The following PARM1 variants were observed in gnomAD, a reference collection of about 807,000 sequenced individuals.
PARM1 encodes prostate androgen-regulated mucin-like protein 1, also known as WSC4, cell wall integrity and stress response component 4 homolog.
A neutral mutation model predicts 24.6 loss-of-function variants in PARM1; 14 were observed. The observed-to-expected ratio is 0.57, with a 90% CI of 0.38 to 0.89. PARM1 has a LOEUF of 0.89. PARM1 is among the 40% of genes least tolerant of loss of function. The probability of loss-of-function intolerance (pLI) is 0.00; values close to 1 mark genes in which losing one functional copy is unlikely to be tolerated. For missense variants in PARM1, 362 were observed against 380.4 expected (o/e 0.95, Z 0.40); for synonymous variants, 179 against 156.6 (o/e 1.14, Z -1.07).
At chr4:75,013,758 A>G (rs1398142378) in intron 2 of PARM1, among the ~76,000 whole-genome samples, 1 of 152,256 alleles carries the variant, frequency 6.6e-6, no homozygotes, top group Non-Finnish European at 1.5e-5. Context: ...ATTTCAAGGG[A>G]AAGACAATAA....
rs58291443 is a variant in PARM1 at position 74,973,905 on chromosome 4, AAGAG to A, written c.44-38512_44-38509del. ...GGGTGTAGAGAGAGAGAGAGAAAGA[AAGAG>A]AGAGAGATTTATTGTAAAGAATTGG... is the stretch of plus-strand genomic sequence containing the variant. On this transcript the variant is annotated intron_variant, in intron 1 of 3. Coordinates refer to ENST00000307428, the MANE Select transcript of PARM1 (RefSeq NM_015393.4). 2.9e-4 allele frequency among the ~76,000 whole-genome samples: 41 copies of A among 143,828 alleles called. No homozygotes were observed. The East Asian group carries it at 7.9e-3, about 28-fold the overall frequency. The allele number at this position is 143,828 out of a possible 152,430, so 94.4% of individuals were successfully genotyped here. A position where few individuals can be genotyped will look rare whatever the true frequency, so the allele number is the denominator to read the frequency against.
At chr4:74,966,063 A>C (rs1721894601) in intron 1 of PARM1, among the ~76,000 whole-genome samples, 1 of 152,198 alleles carries the variant, frequency 6.6e-6, no homozygotes, top group Non-Finnish European at 1.5e-5. Context: ...ACTTTTCTAT[A>C]AATCTAAATT....
intron 1 of PARM1, among the ~76,000 whole-genome samples, chr4:74,984,694 A>G (rs1229113918): frequency 6.6e-6 from 1 of 152,248 alleles, no homozygotes. Context: ...TCATTAACAT[A>G]GCGTAGACTG....
At chr4:75,042,957 AAAAC>A (rs1040051515) in intron 3 of PARM1, among the ~76,000 whole-genome samples, 3 of 152,068 alleles carry the variant, frequency 2.0e-5, no homozygotes, top group African/African-American at 4.8e-5. Flanking sequence ...GAAAAAAAAA[AAAAC>A]AAAGTAAAGG....
chr4:75,000,256 C>T (rs1374518752), intron 1 of PARM1, among the ~76,000 whole-genome samples: 1 of 152,188 alleles, frequency 6.6e-6, no homozygotes, highest in African/African-American at 2.4e-5. Context: ...ATTGATTGAG[C>T]TCTTTGTGTT....
chr4:74,942,566 G>A (rs942330331), intron 1 of PARM1, among the ~76,000 whole-genome samples: 10 of 152,228 alleles, frequency 6.6e-5, no homozygotes, highest in African/African-American at 2.2e-4. Context: ...TGCTCAGACT[G>A]CAAATCATGA....
rs762074393 is a variant in PARM1 at position 75,012,837 on chromosome 4, A to G, written c.456A>G (p.Gln152=). 92 of 1,613,764 alleles carry G rather than the reference A, an allele frequency of 5.7e-5. No individual in the cohort carries two copies. Among genetic ancestry groups the G allele is most frequent in the Admixed American group, 1.0e-4 (6 of 59,980 alleles). ...AAEPPTLISP[Q]APASSPSSLS... Reference sequence around the variant, plus strand: ...AGCCTCCCACACTCATCTCCCCTCAAGCTCCAGCCTCATCACCCTCATCCC... The same window carrying G: ...AGCCTCCCACACTCATCTCCCCTCAGGCTCCAGCCTCATCACCCTCATCCC... Residue 152 remains glutamine, a synonymous_variant, in exon 2 of 4, where the codon CAA becomes CAG. Transcript: ENST00000307428.
At chr4:74,993,415 G>A (rs1422473902) in intron 1 of PARM1, among the ~76,000 whole-genome samples, 1 of 152,096 alleles carries the variant, frequency 6.6e-6, no homozygotes. Flanking sequence ...GCAGCTTTGT[G>A]CAAGGCCCCA....
At chr4:75,046,067 C>A in intron 3 of PARM1, 96 bp from the exon 4 acceptor site, 1 of 755,068 alleles carries the variant, frequency 1.3e-6, no homozygotes, top group Non-Finnish European at 2.3e-6. Flanking sequence ...CTCTCCCTGG[C>A]CCCATAAGCA....
chr4:74,934,776 G>T (rs1019055305), intron 1 of PARM1, among the ~76,000 whole-genome samples: 1 of 152,140 alleles, frequency 6.6e-6, no homozygotes, highest in African/African-American at 2.4e-5. Context: ...TGACACGGAA[G>T]GTACCTTTAC....
intron 1 of PARM1, among the ~76,000 whole-genome samples, chr4:75,011,653 A>G (rs2109793744): frequency 6.6e-6 from 1 of 152,334 alleles, no homozygotes; most frequent in Admixed American, 6.5e-5. Context: ...AATGGAAACT[A>G]GCTGTAAATT....
chr4:74,947,027 G>A (rs1032085678), intron 1 of PARM1, among the ~76,000 whole-genome samples: 3 of 152,248 alleles, frequency 2.0e-5, no homozygotes, highest in East Asian at 1.9e-4. Flanking sequence ...AATGAAGAAG[G>A]CATGGAAAAA....
At chr4:74,989,113 C>T (rs1228559949) in intron 1 of PARM1, among the ~76,000 whole-genome samples, 3 of 152,126 alleles carry the variant, frequency 2.0e-5, no homozygotes, top group African/African-American at 7.2e-5. Context: ...CCTCCAGTCA[C>T]CAAAATGTGT....
intron 1 of PARM1, among the ~76,000 whole-genome samples, chr4:75,011,171 C>G (rs1382825159): frequency 6.6e-6 from 1 of 152,172 alleles, no homozygotes; most frequent in African/African-American, 2.4e-5. Flanking sequence ...GGCCCCACTT[C>G]CAACACTGGC....
intron 1 of PARM1, among the ~76,000 whole-genome samples, chr4:74,997,349 T>A (rs1473975715): frequency 6.6e-6 from 1 of 152,170 alleles, no homozygotes; most frequent in African/African-American, 2.4e-5. Context: ...CTCTGATGGA[T>A]CATTTAGAAG....
At chr4:74,974,193 A>G (rs1409182715) in intron 1 of PARM1, among the ~76,000 whole-genome samples, 2 of 152,338 alleles carry the variant, frequency 1.3e-5, no homozygotes, top group African/African-American at 2.4e-5. Context: ...TGATGCCCAC[A>G]TACTTTGAGG....
intron 1 of PARM1, among the ~76,000 whole-genome samples, chr4:74,943,184 A>G (rs1298344896): frequency 6.6e-6 from 1 of 152,194 alleles, no homozygotes; most frequent in Non-Finnish European, 1.5e-5. Flanking sequence ...AGTGCCTCTT[A>G]TCTGACTCTT....
intron 1 of PARM1, chr4:74,965,336 A>T (rs564876479): frequency 8.5e-5 from 13 of 152,350 alleles, no homozygotes; most frequent in African/African-American, 3.1e-4. Flanking sequence ...GCAGATGCAT[A>T]GCAAGAAAAA....
At chr4:75,035,566 C>G (rs1330492033) in intron 3 of PARM1, among the ~76,000 whole-genome samples, 1 of 152,200 alleles carries the variant, frequency 6.6e-6, no homozygotes, top group Non-Finnish European at 1.5e-5. Flanking sequence ...CATATCCACT[C>G]TGCTGCTGCC....
Sources: gnomAD v4.1 joint callset for allele counts (sites outside exome capture counted in the v4.1 genomes callset) on GRCh38, gnomAD v4.1.1 for gene constraint, MANE v1.5 for transcripts, NCBI Gene and HGNC (gene_info 2026-07-23, HGNC 2026-07-21) for gene names.